The following TG variants were observed in gnomAD, a reference collection of about 807,000 sequenced individuals.
TG encodes thyroglobulin.
A neutral mutation model predicts 324.7 loss-of-function variants in TG; 270 were observed. That is an observed-to-expected ratio of 0.83 (90% confidence interval 0.75 to 0.92). TG has a LOEUF of 0.92. Ranked by LOEUF, TG falls within the 40% of genes least tolerant of loss-of-function variation. The pLI, the probability that TG is intolerant of heterozygous loss-of-function variation, is 0.00. For synonymous variants in TG, 1,401 were observed against 1,327.0 expected, an observed-to-expected ratio of 1.06 and a Z score of -1.21; for missense variants, 3,591 against 3,456.4, an observed-to-expected ratio of 1.04 and a Z score of -0.98.
chr8:133,030,060 G>C, intron 41 of TG, 37 bp downstream of exon 41: 1 of 1,613,194 alleles, frequency 6.2e-7, no homozygotes, highest in Non-Finnish European at 8.5e-7. Context: ...TCTTACTGCA[G>C]ATGCGGCTGG....
intron 22 of TG, among the ~76,000 whole-genome samples, chr8:132,927,913 G>C (rs1473191086): frequency 3.3e-5 from 5 of 152,168 alleles, no homozygotes; most frequent in Non-Finnish European, 7.3e-5. Flanking sequence ...AAAGAGATGA[G>C]AGAAGAAGGG....
chr8:132,988,895 AG>A, intron 35 of TG: 8 of 985,344 alleles, frequency 8.1e-6, no homozygotes, highest in Non-Finnish European at 9.6e-6. Flanking sequence ...TTTCTCTTAG[AG>A]GTGTGTATTA....
chr8:132,991,997 G>A (rs1232679407), intron 35 of TG, among the ~76,000 whole-genome samples: 1 of 152,132 alleles, frequency 6.6e-6, no homozygotes, highest in Non-Finnish European at 1.5e-5. Flanking sequence ...CTTCCTGGAA[G>A]GCTTCACTTC....
chr8:133,102,922 G>A, intron 43 of TG: 1 of 286,968 alleles, frequency 3.5e-6, no homozygotes. Context: ...TAGGGGGAGG[G>A]CAGCCCATGT....
At chr8:132,915,641 T>C (rs1214752008) in intron 20 of TG, among the ~76,000 whole-genome samples, 1 of 152,198 alleles carries the variant, frequency 6.6e-6, no homozygotes, top group Non-Finnish European at 1.5e-5. Context: ...GGCGATGTTT[T>C]AGACATTGGG....
At position 133,134,767 on chromosome 8, in the gene TG, A is replaced by G. The variant is rs1852225250; in HGVS notation, c.8280A>G (p.Glu2760=). ...GAGAAGATCTCCTAAGCCTCCAGGA[A>G]CCAGGCTCTAAGACCTACAGCAAGT... ...GLREDLLSLQ[E]PGSKTYSK Residue 2760 remains glutamate (E), a synonymous_variant, in exon 48 of 48, where the codon GAA becomes GAG. Transcript: ENST00000220616. The G allele has an allele frequency of 6.2e-7, 1 of 1,614,018 alleles. No homozygotes were observed. Among genetic ancestry groups the G allele is most frequent in the Admixed American group, 1.7e-5 (1 of 60,002 alleles).
rs577479740 is a variant in TG, at chr8:132,888,341, T to G, written c.2534T>G (p.Val845Gly). The G allele has an allele frequency of 6.2e-7, 1 of 1,613,952 alleles. No individual in the cohort carries two copies. Among genetic ancestry groups the G allele is most frequent in the Admixed American group, 1.7e-5 (1 of 59,986 alleles). ...VLSQYPSLQD[V>G]PLAALEGKRP... Reference sequence around the variant, plus strand: ...TCACAATACCCTTCTCTGCAAGATGTCCCACTAGCAGCACTGGAAGGGAAA... The same window carrying G: ...TCACAATACCCTTCTCTGCAAGATGGCCCACTAGCAGCACTGGAAGGGAAA... Residue 845 changes from valine to glycine, a missense_variant, in exon 10 of 48, where the codon GTC becomes GGC. Transcript: ENST00000220616.
chr8:133,075,269 C>T (rs897243589), intron 41 of TG: 2 of 310,464 alleles, frequency 6.4e-6, no homozygotes, highest in African/African-American at 2.3e-5. Context: ...TGAATTTGCT[C>T]TTGTACATCC....
chr8:132,993,699 CTAGATCT>C (rs1397199469), intron 35 of TG, among the ~76,000 whole-genome samples: 4 of 152,160 alleles, frequency 2.6e-5, no homozygotes, highest in Non-Finnish European at 4.4e-5. Flanking sequence ...TAAACTCTTG[CTAGATCT>C]TAGAGTCTTA....
intron 43 of TG, among the ~76,000 whole-genome samples, chr8:133,113,150 A>G (rs563945946): frequency 3.3e-5 from 5 of 152,186 alleles, no homozygotes; most frequent in African/African-American, 1.2e-4. Flanking sequence ...GCCAGGTACC[A>G]TTGTAACTAC....
At chr8:133,055,390 C>CAA (rs1215953527) in intron 41 of TG, among the ~76,000 whole-genome samples, 1 of 134,226 alleles carries the variant, frequency 7.5e-6, no homozygotes, top group East Asian at 2.1e-4. Flanking sequence ...CACACACACA[C>CAA]ACACACACAC....
intron 41 of TG, among the ~76,000 whole-genome samples, chr8:133,084,584 G>A (rs1846235140): frequency 6.6e-6 from 1 of 152,188 alleles, no homozygotes; most frequent in Admixed American, 6.5e-5. Flanking sequence ...GGTGACAGAG[G>A]CAATTAGGCT....
In TG at chr8:132,893,795, G is replaced by A. The variant is rs369152726; in HGVS notation, c.2867G>A (p.Ser956Asn). 3 of 1,613,988 alleles carry A rather than the reference G, an allele frequency of 1.9e-6. No individual in the cohort carries two copies. The African/African-American group carries it at 4.0e-5, about 22-fold the overall frequency. Reference sequence around the variant, plus strand: ...AGTTCTCGGTTCCCTCTGGGGGAGAGTTTCCTGGTGGCCAAGGGAATCCGG... The same window carrying A: ...AGTTCTCGGTTCCCTCTGGGGGAGAATTTCCTGGTGGCCAAGGGAATCCGG... ...SNSSRFPLGE[S>N]FLVAKGIRLR... Residue 956 changes from serine (S) to asparagine (N), a missense_variant, in exon 11 of 48, where the codon AGT becomes AAT. Physicochemically the swap from Ser to Asn is conservative, Grantham distance 46. Coordinates refer to ENST00000220616, the MANE Select transcript of TG (RefSeq NM_003235.5).
At chr8:132,873,365 TCTAAA>T (rs1839677858) in intron 5 of TG, 144 bp downstream of exon 5, 19 of 1,159,018 alleles carry the variant, frequency 1.6e-5, no homozygotes, top group African/African-American at 3.1e-5. Flanking sequence ...GTCCTGGGCA[TCTAAA>T]GTGCCACGGC....
intron 24 of TG, among the ~76,000 whole-genome samples, chr8:132,933,968 G>A (rs936320930): frequency 6.6e-6 from 1 of 152,098 alleles, no homozygotes; most frequent in Middle Eastern, 3.2e-3. Flanking sequence ...GGCAAGATGT[G>A]AGGGGGCCCT....
chr8:133,051,094 C>T (rs115999001), intron 41 of TG, among the ~76,000 whole-genome samples: 98 of 152,292 alleles, frequency 6.4e-4, no homozygotes, highest in African/African-American at 2.1e-3. Flanking sequence ...GCAGGGTGTG[C>T]GTACGAGCCC....
Position 133,113,496 on chromosome 8 carries a change from C to T in TG, c.7647C>T (p.Gly2549=), listed in dbSNP as rs200261320. The part of the protein sequence containing the change: ...FYQALQNSLG[G]EDSDARVEAA... ...AGGCACTGCAGAATTCTCTGGGTGG[C>T]GAGGACTCAGATGCCCGCGTCGAGG... Residue 2549 remains glycine (G), a synonymous_variant, in exon 44 of 48, where the codon GGC becomes GGT. Transcript: ENST00000220616. 4.0e-5 allele frequency: 65 copies of T among 1,613,912 alleles called. No homozygotes were observed. The Middle Eastern group carries it at 1.8e-3, about 45-fold the overall frequency.
chr8:132,979,892 T>C (rs551437287), intron 34 of TG, among the ~76,000 whole-genome samples: 116 of 152,260 alleles, frequency 7.6e-4, no homozygotes, highest in Admixed American at 1.4e-3. Flanking sequence ...CCACTTCAGA[T>C]ACCAATCACA....
At chr8:132,906,937 C>A in intron 17 of TG, 37 bp downstream of exon 17, 1 of 1,574,378 alleles carries the variant, frequency 6.4e-7, no homozygotes, top group Non-Finnish European at 8.6e-7. Context: ...GCACCCCGCT[C>A]CCTCTCAGGG....
Sources: allele counts gnomAD v4.1 joint callset (sites outside exome capture counted in the v4.1 genomes callset), GRCh38; gene constraint gnomAD v4.1.1; transcripts MANE v1.5; gene names NCBI Gene and HGNC (gene_info 2026-07-23, HGNC 2026-07-21).